GTF2IRD1: variants seen among roughly 807,000 people sequenced by gnomAD.
GTF2IRD1 encodes the protein GTF2I repeat domain containing 1.
Under a neutral mutation model 113.2 loss-of-function variants are expected in GTF2IRD1, and 26 were observed. The observed-to-expected ratio is 0.23, with a 90% CI of 0.17 to 0.32. The LOEUF is 0.32. GTF2IRD1 is among the 10% of genes least tolerant of loss of function. The pLI is 1.00. For synonymous variants in GTF2IRD1, 484 were observed against 529.1 expected, an observed-to-expected ratio of 0.91 and a Z score of 1.17; for missense variants, 864 against 1,280.8, an observed-to-expected ratio of 0.67 and a Z score of 4.97.
At chr7:74,597,996 C>G (rs1554372881) in intron 25 of GTF2IRD1, among the ~76,000 whole-genome samples, 1 of 152,182 alleles carries the variant, frequency 6.6e-6, no homozygotes, top group African/African-American at 2.4e-5. Context: ...TAGAAGCCAC[C>G]TCCTTCCATC....
At chr7:74,464,826 G>A (rs982292369) in intron 1 of GTF2IRD1, among the ~76,000 whole-genome samples, 1 of 152,138 alleles carries the variant, frequency 6.6e-6, no homozygotes, top group Non-Finnish European at 1.5e-5. Flanking sequence ...GTTGCCCCAA[G>A]TACCTTTCCC....
chr7:74,461,026 G>A (rs923198984), intron 1 of GTF2IRD1, among the ~76,000 whole-genome samples: 10 of 152,204 alleles, frequency 6.6e-5, no homozygotes, highest in Non-Finnish European at 1.5e-4. Flanking sequence ...TCCACCTTCC[G>A]CCCGCCTGGG....
chr7:74,460,802 G>A (rs1366818156), intron 1 of GTF2IRD1, among the ~76,000 whole-genome samples: 3 of 152,202 alleles, frequency 2.0e-5, no homozygotes, highest in Non-Finnish European at 4.4e-5. Context: ...TGAGTGCTGG[G>A]AAAGTGTCTG....
rs188204929 is a variant in GTF2IRD1, at chr7:74,592,983, A to G, written c.2591+1966A>G. ...AGCAATTCTTGTGCCTCAGCCTCCC[A>G]AATAGCTGGGATCACAGGTGCCCGC... is the stretch of plus-strand genomic sequence containing the variant. On this transcript the variant is annotated intron_variant, in intron 24 of 26. Coordinates refer to ENST00000424337, the MANE Select transcript of GTF2IRD1 (RefSeq NM_005685.4). 2.9e-3 allele frequency among the ~76,000 whole-genome samples: 442 copies of G among 151,550 alleles called. 3 individuals carry two copies. The highest frequency in any genetic ancestry group is 0.01 in the African/African-American group (419 of 41,314).
intron 22 of GTF2IRD1, among the ~76,000 whole-genome samples, chr7:74,569,515 T>G (rs1800558588): frequency 6.6e-6 from 1 of 152,134 alleles, no homozygotes; most frequent in Non-Finnish European, 1.5e-5. Flanking sequence ...GCCGGAATGG[T>G]AAAGGGCCTA....
At chr7:74,460,656 T>G (rs1793302977) in intron 1 of GTF2IRD1, among the ~76,000 whole-genome samples, 2 of 152,016 alleles carry the variant, frequency 1.3e-5, no homozygotes, top group African/African-American at 4.8e-5. Context: ...ATCCCCAGTT[T>G]GGGAAGTCCT....
rs1554351261 is a variant in GTF2IRD1, at chr7:74,539,892, C to A, written c.1542C>A (p.Thr514=). The A allele has an allele frequency of 6.2e-7, 1 of 1,612,416 alleles. No homozygotes were observed. The highest frequency in any genetic ancestry group is 8.5e-7 in the Non-Finnish European group (1 of 1,179,530). ...IQVTVPDPSP[T]SEEMTDSMPG... ...TTTTGTCTTCAGACCCCTCGCCAAC[C>A]TCTGAGGAAATGACAGACTCGATGC... Residue 514 remains threonine, a synonymous_variant, in exon 14 of 27, where the codon ACC becomes ACA. Coordinates refer to ENST00000424337, the MANE Select transcript of GTF2IRD1 (RefSeq NM_005685.4).
At chr7:74,502,972 G>T (rs782376903) in intron 1 of GTF2IRD1, among the ~76,000 whole-genome samples, 1 of 152,126 alleles carries the variant, frequency 6.6e-6, no homozygotes, top group Non-Finnish European at 1.5e-5. Context: ...TTCGAGACCA[G>T]CCTGACCAAC....
Position 74,519,599 on chromosome 7 carries a change from G to C in GTF2IRD1, c.796G>C (p.Ala266Pro). Reference protein sequence around the residue: ...FLYSTALPNHAIRELKQEAPS... With the variant: ...FLYSTALPNHPIRELKQEAPS... ...GTACAGCACGGCGCTCCCCAACCAC[G>C]CCATCCGAGAGCTCAAGCAGGAAGC... Residue 266 changes from alanine (A) to proline (P), a missense_variant, in exon 6 of 27, where the codon GCC (alanine) becomes CCC (proline). This residue lies in a region of GTF2IRD1 where 195 missense variants were observed against 196.6 expected (regional missense o/e 0.99). Coordinates refer to ENST00000424337, the MANE Select transcript of GTF2IRD1 (RefSeq NM_005685.4). The C allele has an allele frequency of 1.2e-6, 2 of 1,612,260 alleles. No individual in the cohort carries two copies. Among genetic ancestry groups the C allele is most frequent in the Non-Finnish European group, 1.7e-6 (2 of 1,179,646 alleles).
rs537251476 is a variant in GTF2IRD1, at chr7:74,512,138, G to A, written c.124-692G>A. On this transcript the variant is annotated intron_variant, in intron 2 of 26. Transcript: ENST00000424337. The surrounding 1 kb of genome is among the most constrained non-coding windows in gnomAD (Gnocchi z 4.4). ...AGGCTGAGACGGGCAGATCACCTGA[G>A]GTCAGGAGTTTGAGACCAGCCTGGC... 6.6e-6 allele frequency among the ~76,000 whole-genome samples: 1 copy of A among 152,248 alleles called. No individual in the cohort carries two copies. The highest frequency in any genetic ancestry group is 1.5e-5 in the Non-Finnish European group (1 of 68,016).
At chr7:74,595,535 A>T (rs1802360921) in intron 25 of GTF2IRD1, among the ~76,000 whole-genome samples, 1 of 152,086 alleles carries the variant, frequency 6.6e-6, no homozygotes, top group African/African-American at 2.4e-5. Flanking sequence ...AAAAAAAAAA[A>T]TTTCATAAAA....
intron 4 of GTF2IRD1, among the ~76,000 whole-genome samples, 167 bp from the exon 5 acceptor site, chr7:74,517,972 G>A (rs1391653049): frequency 3.3e-5 from 5 of 152,144 alleles, no homozygotes; most frequent in African/African-American, 1.2e-4. Flanking sequence ...CCCACCCCCA[G>A]CCTGCAGGCG....
intron 4 of GTF2IRD1, 61 bp from the exon 5 acceptor site, chr7:74,518,078 C>A: frequency 1.6e-6 from 2 of 1,277,200 alleles, no homozygotes; most frequent in Non-Finnish European, 2.1e-6. Context: ...GGCACAGCAG[C>A]CCCGACCCCA....
At chr7:74,586,902 T>G (rs1399628404) in intron 22 of GTF2IRD1, among the ~76,000 whole-genome samples, 1 of 152,086 alleles carries the variant, frequency 6.6e-6, no homozygotes, top group Non-Finnish European at 1.5e-5. Context: ...CCCAGCACTT[T>G]CGGAGGCTGC....
At chr7:74,598,276 C>A (rs1245820603) in intron 25 of GTF2IRD1, among the ~76,000 whole-genome samples, 1 of 151,800 alleles carries the variant, frequency 6.6e-6, no homozygotes, top group Non-Finnish European at 1.5e-5. Flanking sequence ...ACACACGGAT[C>A]TGGAGGCGAT....
intron 22 of GTF2IRD1, among the ~76,000 whole-genome samples, chr7:74,584,814 G>A (rs1801622040): frequency 6.6e-6 from 1 of 151,982 alleles, no homozygotes; most frequent in Non-Finnish European, 1.5e-5. Flanking sequence ...TGTTGTTGTT[G>A]TTTTGAGATG....
chr7:74,518,069 G>T, intron 4 of GTF2IRD1, 70 bp from the exon 5 acceptor site: 1 of 1,172,220 alleles, frequency 8.5e-7, no homozygotes, highest in Non-Finnish European at 1.2e-6. Context: ...CCACTCTGGG[G>T]CACAGCAGCC....
chr7:74,589,898 C>G lies in GTF2IRD1; in HGVS notation c.2368C>G (p.Gln790Glu), dbSNP rs781809169. Reference protein sequence around the residue: ...RLGEKVILREQVKELFNEKYG... With the variant: ...RLGEKVILREEVKELFNEKYG... ...CGGGGAGAAGGTGATCCTGCGGGAG[C>G]AGGTGAAGGAACTCTTCAACGAGAA... Residue 790 changes from glutamine to glutamate, a missense_variant, in exon 23 of 27, where the codon CAG becomes GAG. Transcript: ENST00000424337. The G allele has an allele frequency of 1.2e-6, 2 of 1,611,254 alleles. No homozygotes were observed. Among genetic ancestry groups the G allele is most frequent in the South Asian group, 1.1e-5 (1 of 91,008 alleles).
intron 9 of GTF2IRD1, among the ~76,000 whole-genome samples, chr7:74,534,769 G>T (rs146002013): frequency 6.7e-6 from 1 of 149,456 alleles, no homozygotes; most frequent in African/African-American, 2.5e-5. Context: ...AGGGCATGGT[G>T]GTGCACGTCT....
Sources: gnomAD v4.1 joint callset for allele counts (sites outside exome capture counted in the v4.1 genomes callset) on GRCh38, gnomAD v4.1.1 for gene constraint, gnomAD v4.1.1 regional missense constraint, Gnocchi (gnomAD v3.1) non-coding constraint, MANE v1.5 for transcripts, NCBI Gene and HGNC (gene_info 2026-07-23, HGNC 2026-07-21) for gene names.